Variants in DPF3 observed in about 807,000 individuals in gnomAD.
DPF3 encodes the protein zinc finger protein DPF3.
Under a neutral mutation model 56.8 loss-of-function variants are expected in DPF3, and 18 were observed. The observed-to-expected ratio is 0.32, with a 90% CI of 0.22 to 0.47. DPF3 has a LOEUF of 0.47. Ranked by LOEUF, DPF3 falls within the 20% of genes least tolerant of loss-of-function variation. The pLI is 1.00. For missense variants in DPF3, 403 were observed against 488.8 expected, an observed-to-expected ratio of 0.82 and a Z score of 1.65; for synonymous variants, 188 against 180.2, an observed-to-expected ratio of 1.04 and a Z score of -0.35.
chr14:72,655,692 A>C (rs1886043826), intron 8 of DPF3, among the ~76,000 whole-genome samples: 1 of 152,236 alleles, frequency 6.6e-6, no homozygotes, highest in Admixed American at 6.5e-5. Context: ...AGTCAACAAA[A>C]GGCTTGAGAC....
intron 7 of DPF3, among the ~76,000 whole-genome samples, chr14:72,680,488 C>T (rs1887115892): frequency 6.6e-6 from 1 of 152,220 alleles, no homozygotes; most frequent in African/African-American, 2.4e-5. Flanking sequence ...ACCCTCCAAT[C>T]GTCAGAGCCC....
chr14:72,779,324 T>C lies in DPF3; in HGVS notation c.33-7431A>G, dbSNP rs115957337. Among the ~76,000 whole-genome samples the C allele has an allele frequency of 6.8e-3, 1,028 of 152,296 alleles. 16 individuals carry two copies. The highest frequency in any genetic ancestry group is 0.024 in the African/African-American group (977 of 41,568). On this transcript the variant is annotated intron_variant, in intron 1 of 10. Coordinates refer to ENST00000556509, the MANE Select transcript of DPF3 (RefSeq NM_001280542.3). ...CCTGTAGTCCTCATCACCCAGCACC[T>C]GGGACATTGCAGCACTGGGTGGCCT...
At chr14:72,674,427 C>T in intron 7 of DPF3, 59 bp from the exon 8 acceptor site, 3 of 1,573,094 alleles carry the variant, frequency 1.9e-6, no homozygotes, top group Non-Finnish European at 2.6e-6. Flanking sequence ...ACTGCCCCTT[C>T]TTCTCCTCCT....
intron 7 of DPF3, among the ~76,000 whole-genome samples, chr14:72,677,910 G>T (rs1886984820): frequency 6.6e-6 from 1 of 152,144 alleles, no homozygotes; most frequent in African/African-American, 2.4e-5. Flanking sequence ...ATGATTCATT[G>T]TCTCTTGAGA....
At chr14:72,885,844 T>G (rs79649494) in intron 1 of DPF3, among the ~76,000 whole-genome samples, 12,037 of 152,230 alleles carry the variant, frequency 0.079, 626 homozygotes, top group South Asian at 0.14. Context: ...AAGTGGGCTA[T>G]CCATACAATG....
At chr14:72,845,060 G>A (rs1599490529) in intron 1 of DPF3, among the ~76,000 whole-genome samples, 1 of 152,152 alleles carries the variant, frequency 6.6e-6, no homozygotes, top group South Asian at 2.1e-4. Context: ...AGCTATAATC[G>A]TGCCACTGCA....
At position 72,714,497 on chromosome 14, in the gene DPF3, C is replaced by A; in HGVS notation, c.530G>T (p.Arg177Leu). 1 of 1,613,704 alleles carries A rather than the reference C, an allele frequency of 6.2e-7. No individual in the cohort carries two copies. The highest frequency in any genetic ancestry group is 2.2e-5 in the East Asian group (1 of 44,862). The stretch of plus-strand genomic sequence containing the variant: ...CCTCCTCCTGCCCCCTGCAGAGCCG[C>A]GAGCCTGGGGAGACATTGGGGTACA... ...KRKNRTRGRA[R>L]GSAGGRRRHD... Residue 177 changes from arginine (R) to leucine (L), a missense_variant, in exon 6 of 11, where the codon CGC (arginine) becomes CTC (leucine). By Grantham distance (102) the Arg-to-Leu change is moderately radical. Around this residue, in one of 2 missense-constraint regions of DPF3, gnomAD observed 340 missense variants for 374.3 expected, o/e 0.91. Coordinates refer to ENST00000556509, the MANE Select transcript of DPF3 (RefSeq NM_001280542.3).
chr14:72,708,071 G>T (rs1243542292), intron 6 of DPF3, among the ~76,000 whole-genome samples: 2 of 152,188 alleles, frequency 1.3e-5, no homozygotes, highest in Non-Finnish European at 2.9e-5. Flanking sequence ...ACAGTTAGTG[G>T]AGAGCAAGGT....
At chr14:72,869,191 G>T (rs1819418073) in intron 1 of DPF3, among the ~76,000 whole-genome samples, 1 of 152,134 alleles carries the variant, frequency 6.6e-6, no homozygotes, top group Non-Finnish European at 1.5e-5. Context: ...CAATGCCCTA[G>T]ACCAGAAAAG....
intron 1 of DPF3, chr14:72,853,127 G>A (rs887854842): frequency 6.6e-6 from 1 of 151,100 alleles, no homozygotes; most frequent in Middle Eastern, 3.2e-3. Flanking sequence ...TTAGCTTTGG[G>A]GAACAGAATG....
At chr14:72,798,454 T>G (rs1433423967) in intron 1 of DPF3, among the ~76,000 whole-genome samples, 2 of 152,130 alleles carry the variant, frequency 1.3e-5, no homozygotes, top group African/African-American at 2.4e-5. Context: ...GAAACCAAGA[T>G]AGGAAATGGT....
At chr14:72,660,992 G>T in intron 8 of DPF3, 1 of 912,822 alleles carries the variant, frequency 1.1e-6, no homozygotes, top group Non-Finnish European at 1.3e-6. Flanking sequence ...GCGTGAAAGT[G>T]AACTCACACA....
At chr14:72,861,784 A>AAAGAAAGAAAGAGAAAGAAAGAAAGG in intron 1 of DPF3, among the ~76,000 whole-genome samples, 1 of 148,346 alleles carries the variant, frequency 6.7e-6, no homozygotes, top group Non-Finnish European at 1.5e-5. Context: ...AGAAAGAAAG[A>AAAGAAAGAAAGAGAAAGAAAGAAAGG]AAGAAAGAAA....
intron 3 of DPF3, among the ~76,000 whole-genome samples, chr14:72,748,261 T>TA (rs1314715440): frequency 2.6e-5 from 4 of 152,252 alleles, no homozygotes; most frequent in Non-Finnish European, 5.9e-5. Flanking sequence ...TGACTCTTGT[T>TA]ACATTTTACC....
At chr14:72,635,036 G>A (rs1885347670) in intron 8 of DPF3, among the ~76,000 whole-genome samples, 1 of 152,182 alleles carries the variant, frequency 6.6e-6, no homozygotes, top group South Asian at 2.1e-4. Flanking sequence ...TGGGTCAGTG[G>A]TGAACTTGGT....
chr14:72,756,807 T>TGAAAGAAAGAAAGACA (rs1313526082), intron 2 of DPF3, among the ~76,000 whole-genome samples: 1 of 86,970 alleles, frequency 1.1e-5, no homozygotes, highest in Non-Finnish European at 2.2e-5. Flanking sequence ...CAAGATTCTG[T>TGAAAGAAAGAAAGACA]GAAAGAAAGA....
Position 72,619,903 on chromosome 14 carries a change from C to T in DPF3, c.1066G>A (p.Gly356Arg), listed in dbSNP as rs1193026356. The T allele has an allele frequency of 1.3e-6, 2 of 1,530,844 alleles. No individual in the cohort carries two copies. Among genetic ancestry groups the T allele is most frequent in the African/African-American group, 1.4e-5 (1 of 72,782 alleles). The allele number at this position is 1,530,844 out of a possible 1,614,324, so 94.8% of individuals were successfully genotyped here. ...LNPPVAEPPE[G>R]SWSCHLCWEL... ...TTATTGTTGACTTCATCATCATTAC[C>T]TTCTGGGGGCTCAGCCACCGGGGGA... Residue 356 changes from glycine (G) to arginine (R), a missense_variant and splice_region_variant, in exon 10 of 11, where the codon GGA becomes AGA. Gly to Arg is a moderately radical substitution (Grantham distance 125). Around this residue, in one of 2 missense-constraint regions of DPF3, gnomAD observed 63 missense variants for 114.4 expected, o/e 0.55. Coordinates refer to ENST00000556509, the MANE Select transcript of DPF3 (RefSeq NM_001280542.3).
At chr14:72,636,076 A>G (rs559887332) in intron 8 of DPF3, among the ~76,000 whole-genome samples, 83 of 152,360 alleles carry the variant, frequency 5.4e-4, no homozygotes, top group African/African-American at 1.9e-3. Flanking sequence ...AAGTAAATGC[A>G]AAACTCAAAT....
chr14:72,702,671 C>T (rs998887022), intron 6 of DPF3, among the ~76,000 whole-genome samples: 7 of 152,164 alleles, frequency 4.6e-5, no homozygotes, highest in South Asian at 2.1e-4. Flanking sequence ...CAACCAATTC[C>T]CCCGAGCAGG....
Sources: allele counts gnomAD v4.1 joint callset (sites outside exome capture counted in the v4.1 genomes callset), GRCh38; gene constraint gnomAD v4.1.1; regional missense constraint gnomAD v4.1.1; transcripts MANE v1.5; gene names NCBI Gene and HGNC (gene_info 2026-07-23, HGNC 2026-07-21).